The following RIMKLB variants were observed in gnomAD, a reference collection of about 807,000 sequenced individuals.
RIMKLB encodes beta-citrylglutamate synthase B.
In RIMKLB, 7 loss-of-function variants were observed where a neutral mutation model predicts 32.0. The ratio of observed to expected loss-of-function variants is 0.22; its 90% CI spans 0.12 to 0.41. The LOEUF (loss-of-function observed/expected upper bound fraction) is 0.41. Ranked by LOEUF, RIMKLB falls within the 10% of genes least tolerant of loss-of-function variation. The probability of loss-of-function intolerance (pLI) is 1.00; values close to 1 mark genes in which losing one functional copy is unlikely to be tolerated. For missense variants in RIMKLB, 289 were observed against 498.7 expected (o/e 0.58, Z 4.00); for synonymous variants, 172 against 185.1 (o/e 0.93, Z 0.57).
intron 5 of RIMKLB, among the ~76,000 whole-genome samples, chr12:8,761,180 C>CA (rs974377988): frequency 4.8e-4 from 64 of 133,074 alleles, no homozygotes; most frequent in African/African-American, 1.7e-3. Context: ...TCTATCTCTA[C>CA]AAAAAATACA....
intron 3 of RIMKLB, among the ~76,000 whole-genome samples, chr12:8,750,759 G>A (rs1288221811): frequency 2.6e-5 from 4 of 152,082 alleles, no homozygotes; most frequent in Non-Finnish European, 5.9e-5. Flanking sequence ...CCACATAACA[G>A]TAGTGAACAA....
At chr12:8,769,348 A>T (rs1950224759) in intron 5 of RIMKLB, among the ~76,000 whole-genome samples, 1 of 152,114 alleles carries the variant, frequency 6.6e-6, no homozygotes, top group South Asian at 2.1e-4. Flanking sequence ...AAAGGAAAAA[A>T]TGTATATATG....
intron 2 of RIMKLB, among the ~76,000 whole-genome samples, chr12:8,747,408 C>T (rs1050519188): frequency 1.3e-5 from 2 of 152,084 alleles, no homozygotes; most frequent in Admixed American, 6.6e-5. Context: ...TAAACACACA[C>T]ACCCCCGGCT....
At chr12:8,696,906 G>A (rs762466300), upstream of RIMKLB, among the ~76,000 whole-genome samples, 2 of 152,270 alleles carry the variant, frequency 1.3e-5, no homozygotes, top group Admixed American at 1.3e-4. Context: ...TGTCTCTGGT[G>A]ACTGAAGTTA....
chr12:8,757,730 C>T (rs772603444), intron 5 of RIMKLB, among the ~76,000 whole-genome samples: 2 of 152,094 alleles, frequency 1.3e-5, no homozygotes, highest in East Asian at 1.9e-4. Context: ...TTAGATACAT[C>T]GTCAAGAGTA....
chr12:8,722,376 T>A lies in RIMKLB; in HGVS notation c.175+8335T>A, dbSNP rs190973837. Among the ~76,000 whole-genome samples the A allele has an allele frequency of 3.6e-3, 541 of 152,108 alleles. 1 individual carries two copies. Among genetic ancestry groups the A allele is most frequent in the Non-Finnish European group, 5.6e-3 (383 of 67,990 alleles). On this transcript the variant is annotated intron_variant, in intron 2 of 5. Transcript: ENST00000535829. ...GAGTAGTAATATTTTGAAAGGAATA[T>A]TTTTTTTCTGAGTAGTAGGTCTCAA... is the stretch of plus-strand genomic sequence containing the variant.
intron 5 of RIMKLB, among the ~76,000 whole-genome samples, chr12:8,768,243 C>G (rs1260491275): frequency 6.6e-6 from 1 of 152,212 alleles, no homozygotes; most frequent in Non-Finnish European, 1.5e-5. Flanking sequence ...TCAGGAGCAG[C>G]AATGGGTGCC....
intron 2 of RIMKLB, among the ~76,000 whole-genome samples, chr12:8,738,931 A>C (rs2969097): frequency 1.3e-5 from 2 of 152,014 alleles, no homozygotes; most frequent in Admixed American, 1.3e-4. Flanking sequence ...GGTAAGACAG[A>C]CAAGGACAGT....
intron 2 of RIMKLB, among the ~76,000 whole-genome samples, chr12:8,720,199 T>C (rs931866297): frequency 6.6e-6 from 1 of 152,204 alleles, no homozygotes; most frequent in African/African-American, 2.4e-5. Context: ...ATTGAGGACA[T>C]ATATTTTGAC....
intron 1 of RIMKLB, among the ~76,000 whole-genome samples, chr12:8,706,444 C>CTTTTT (rs1199005342): frequency 1.1e-5 from 1 of 95,224 alleles, no homozygotes; most frequent in Non-Finnish European, 2.1e-5. Flanking sequence ...CACGCCTGGA[C>CTTTTT]TTTTTTTTTT....
At chr12:8,759,263 C>T (rs1205379160) in intron 5 of RIMKLB, among the ~76,000 whole-genome samples, 1 of 152,018 alleles carries the variant, frequency 6.6e-6, no homozygotes, top group Non-Finnish European at 1.5e-5. Context: ...GGCATGGTGG[C>T]AGCCACCTGT....
At chr12:8,750,736 T>A (rs765314794) in intron 3 of RIMKLB, among the ~76,000 whole-genome samples, 12 of 152,152 alleles carry the variant, frequency 7.9e-5, no homozygotes, top group Non-Finnish European at 1.6e-4. Flanking sequence ...CTACCCTTTT[T>A]GTATTTATCT....
At chr12:8,725,738 A>G (rs906176640) in intron 2 of RIMKLB, among the ~76,000 whole-genome samples, 1 of 151,836 alleles carries the variant, frequency 6.6e-6, no homozygotes, top group Non-Finnish European at 1.5e-5. Context: ...TAAATTTTCA[A>G]CTCCTTTTGG....
chr12:8,733,642 G>T (rs1946743552), intron 2 of RIMKLB, among the ~76,000 whole-genome samples: 1 of 152,228 alleles, frequency 6.6e-6, no homozygotes, highest in Admixed American at 6.5e-5. Context: ...GGAGGCCAAG[G>T]CAGGAAGATC....
At chr12:8,724,776 G>A (rs113213209) in intron 2 of RIMKLB, among the ~76,000 whole-genome samples, 1 of 152,256 alleles carries the variant, frequency 6.6e-6, no homozygotes, top group Middle Eastern at 3.4e-3. Flanking sequence ...GTCCTGGCCT[G>A]GAAACTAAGT....
At chr12:8,761,970 C>G (rs754093887) in intron 5 of RIMKLB, among the ~76,000 whole-genome samples, 27 of 152,232 alleles carry the variant, frequency 1.8e-4, no homozygotes, top group African/African-American at 4.6e-4. Flanking sequence ...TTTGAAGAAC[C>G]ATTTGTAGTT....
At chr12:8,779,977 C>T (rs1950939117), downstream of RIMKLB, 1 of 152,050 alleles carries the variant, frequency 6.6e-6, no homozygotes, top group Non-Finnish European at 1.5e-5. Context: ...TACTCTTTTG[C>T]AAAAAATATA....
At chr12:8,757,620 C>T (rs1212403937) in intron 5 of RIMKLB, among the ~76,000 whole-genome samples, 1 of 152,120 alleles carries the variant, frequency 6.6e-6, no homozygotes, top group Non-Finnish European at 1.5e-5. Context: ...CTCTCTTCCC[C>T]ACATCCTGAA....
chr12:8,755,701 A>G (rs367552379), intron 5 of RIMKLB, among the ~76,000 whole-genome samples: 27 of 152,190 alleles, frequency 1.8e-4, no homozygotes, highest in African/African-American at 6.5e-4. Context: ...AAGTCAAATC[A>G]GCCTTTGCTC....
Sources: gnomAD v4.1 joint callset for allele counts (sites outside exome capture counted in the v4.1 genomes callset) on GRCh38, gnomAD v4.1.1 for gene constraint, MANE v1.5 for transcripts, NCBI Gene and HGNC (gene_info 2026-07-23, HGNC 2026-07-21) for gene names.